The following ZNF624 variants were observed in gnomAD, a reference collection of about 807,000 sequenced individuals.
ZNF624 encodes the protein zinc finger protein 624.
Under a neutral mutation model 74.7 loss-of-function variants are expected in ZNF624, and 43 were observed. That is an observed-to-expected ratio of 0.58 (90% CI 0.45 to 0.74). The LOEUF is 0.74. Ranked by LOEUF, ZNF624 falls within the 30% of genes least tolerant of loss-of-function variation. The probability of loss-of-function intolerance (pLI) is 0.00; values close to 1 mark genes in which losing one functional copy is unlikely to be tolerated. For synonymous variants in ZNF624, 331 were observed against 341.3 expected, an observed-to-expected ratio of 0.97 and a Z score of 0.33; for missense variants, 820 against 1,030.0, an observed-to-expected ratio of 0.80 and a Z score of 2.79.
At chr17:16,639,177 C>T (rs1909409717) in intron 3 of ZNF624, among the ~76,000 whole-genome samples, 1 of 152,150 alleles carries the variant, frequency 6.6e-6, no homozygotes, top group Admixed American at 6.5e-5. Flanking sequence ...GATTAGCTGA[C>T]TACTCAGGCA....
At chr17:16,635,812 G>GT (rs1909315926) in intron 3 of ZNF624, among the ~76,000 whole-genome samples, 3 of 150,394 alleles carry the variant, frequency 2.0e-5, no homozygotes, top group Non-Finnish European at 3.0e-5. Flanking sequence ...ATGAGATGAG[G>GT]TTAAAAACTC....
intron 1 of ZNF624, among the ~76,000 whole-genome samples, 173 bp from the exon 2 acceptor site, chr17:16,649,919 ACT>A (rs2142661436): frequency 6.6e-6 from 1 of 152,296 alleles, no homozygotes; most frequent in South Asian, 2.1e-4. Context: ...AGATTTTAGC[ACT>A]GTTAACTATA....
chr17:16,650,378 A>G (rs1909694713), intron 1 of ZNF624, among the ~76,000 whole-genome samples: 1 of 151,272 alleles, frequency 6.6e-6, no homozygotes, highest in Non-Finnish European at 1.5e-5. Flanking sequence ...TATCCTTTCT[A>G]TATCAGGCAA....
Position 16,633,893 on chromosome 17 carries a change from C to T in ZNF624, c.345G>A (p.Thr115=), listed in dbSNP as rs16959888. Residue 115 remains threonine (T), a synonymous_variant, in exon 5 of 6, where the codon ACG becomes ACA. Transcript: ENST00000311331. ...HLENGKGPWV[T]VREISRIPYP... ...AGGGAATTCTTGAAATTTCTCTCAC[C>T]GTCACCCATGGTCCTTTCCCATTCT... is the stretch of plus-strand genomic sequence containing the variant. 140,167 of 1,612,566 alleles carry T rather than the reference C, an allele frequency of 0.087. 7,051 individuals are homozygous for T. The highest frequency in any genetic ancestry group is 0.16 in the Middle Eastern group (954 of 6,060).
rs530509152 is a variant in ZNF624, at chr17:16,651,935, T to C, written c.-3+1829A>G. Among the ~76,000 whole-genome samples the C allele has an allele frequency of 1.2e-4, 19 of 152,352 alleles. No individual in the cohort carries two copies. In the Middle Eastern group the frequency reaches 0.01, roughly 82 times the overall value. The stretch of plus-strand genomic sequence containing the variant: ...TAATATAATGTTAACATGTTAATTA[T>C]ATAATGTTAAATTATATAATGTTTT... On this transcript the variant is annotated intron_variant, in intron 1 of 5. Transcript: ENST00000311331.
downstream of ZNF624, chr17:16,617,203 C>G (rs1472679517): frequency 1.9e-6 from 3 of 1,612,618 alleles, no homozygotes; most frequent in Non-Finnish European, 2.5e-6. Context: ...GCTCCGCGAC[C>G]TGGAACGGGA....
At chr17:16,630,287 T>C (rs951001403) in intron 5 of ZNF624, among the ~76,000 whole-genome samples, 2 of 148,854 alleles carry the variant, frequency 1.3e-5, no homozygotes, top group Non-Finnish European at 3.0e-5. Context: ...CTGTGCGTGG[T>C]GGCTATTGCT....
chr17:16,627,670 G>A (rs1284472093), intron 5 of ZNF624, among the ~76,000 whole-genome samples: 1 of 152,190 alleles, frequency 6.6e-6, no homozygotes, highest in African/African-American at 2.4e-5. Context: ...ACGGATTTAG[G>A]TCCATTAAGG....
At chr17:16,652,778 G>A (rs1042115252) in intron 1 of ZNF624, among the ~76,000 whole-genome samples, 2 of 152,172 alleles carry the variant, frequency 1.3e-5, no homozygotes, top group African/African-American at 2.4e-5. Flanking sequence ...ATAGGAGTGT[G>A]GAATAGGAAT....
At chr17:16,638,815 C>A (rs1337643524) in intron 3 of ZNF624, among the ~76,000 whole-genome samples, 1 of 152,012 alleles carries the variant, frequency 6.6e-6, no homozygotes, top group Admixed American at 6.6e-5. Flanking sequence ...ATGTAACAAA[C>A]CTGCACATCG....
At chr17:16,635,205 A>T (rs1326128354) in intron 3 of ZNF624, among the ~76,000 whole-genome samples, 1 of 152,190 alleles carries the variant, frequency 6.6e-6, no homozygotes. Context: ...TTACTAAAAG[A>T]TACATTTTAT....
At chr17:16,651,758 G>T (rs529922454) in intron 1 of ZNF624, among the ~76,000 whole-genome samples, 4 of 152,142 alleles carry the variant, frequency 2.6e-5, no homozygotes, top group African/African-American at 7.2e-5. Flanking sequence ...TATAACTAGA[G>T]GGGTCTCAAA....
chr17:16,648,906 T>C (rs1909655490), intron 2 of ZNF624, among the ~76,000 whole-genome samples: 1 of 152,156 alleles, frequency 6.6e-6, no homozygotes, highest in Non-Finnish European at 1.5e-5. Context: ...CTTAAACCCG[T>C]TTCTCACCTG....
At chr17:16,617,845 C>G (rs1390485684), downstream of ZNF624, 5 of 1,610,990 alleles carry the variant, frequency 3.1e-6, no homozygotes, top group African/African-American at 5.3e-5. Context: ...TTCTCCTGGA[C>G]GTTGTAGCTT....
At chr17:16,649,628 GTA>G in intron 2 of ZNF624, 28 bp downstream of exon 2, 2 of 1,597,936 alleles carry the variant, frequency 1.3e-6, no homozygotes, top group Non-Finnish European at 1.7e-6. Flanking sequence ...AACCAAGATA[GTA>G]GGTCAAAAAC....
rs1052210102 is a variant in ZNF624 at position 16,621,188 on chromosome 17, G to C, written c.*1100C>G. 2 of 152,274 alleles carry C rather than the reference G, an allele frequency of 1.3e-5. No individual in the cohort carries two copies. Among genetic ancestry groups the C allele is most frequent in the Non-Finnish European group, 2.9e-5 (2 of 68,022 alleles). The allele number at this position is 152,274 out of a possible 1,614,324, so 9.4% of individuals were successfully genotyped here. A position where few individuals can be genotyped will look rare whatever the true frequency, so the allele number is the denominator to read the frequency against. ...AGCAATTATTTATCAATACATTGTG[G>C]AAATACATTGAAATCAGCTAGCATA... On this transcript the variant is annotated 3_prime_UTR_variant, in exon 6 of 6. Coordinates refer to ENST00000311331, the MANE Select transcript of ZNF624 (RefSeq NM_020787.4).
intron 5 of ZNF624, among the ~76,000 whole-genome samples, chr17:16,629,543 A>T (rs1909157016): frequency 1.3e-5 from 2 of 151,702 alleles, no homozygotes; most frequent in Admixed American, 1.3e-4. Flanking sequence ...TGATTTTTAT[A>T]TTTATTTTTA....
At chr17:16,648,477 G>C (rs186308154) in intron 2 of ZNF624, among the ~76,000 whole-genome samples, 1 of 152,144 alleles carries the variant, frequency 6.6e-6, no homozygotes, top group South Asian at 2.1e-4. Flanking sequence ...TGATAGAGAC[G>C]GGTTGATCCC....
At chr17:16,627,348 A>G (rs1224841600) in intron 5 of ZNF624, among the ~76,000 whole-genome samples, 1 of 152,228 alleles carries the variant, frequency 6.6e-6, no homozygotes, top group Admixed American at 6.5e-5. Context: ...CCAGACAACA[A>G]GCATAAAAAA....
Sources: allele counts gnomAD v4.1 joint callset (sites outside exome capture counted in the v4.1 genomes callset), GRCh38; gene constraint gnomAD v4.1.1; transcripts MANE v1.5; gene names NCBI Gene and HGNC (gene_info 2026-07-23, HGNC 2026-07-21).